The following IFT43 variants were observed in gnomAD, a reference collection of about 807,000 sequenced individuals.
The protein encoded by IFT43 is intraflagellar transport protein 43 homolog.
In IFT43, 33 loss-of-function variants were observed where a neutral mutation model predicts 32.3. The ratio of observed to expected loss-of-function variants is 1.02; its 90% CI spans 0.77 to 1.37. The LOEUF (loss-of-function observed/expected upper bound fraction) is 1.37, where lower values mean the gene tolerates loss of function less well. Ranked by LOEUF, IFT43 falls within the 40% of genes most tolerant of loss-of-function variation. IFT43 has a pLI of 0.00. For synonymous variants in IFT43, 93 were observed against 98.2 expected, an observed-to-expected ratio of 0.95 and a Z score of 0.31; for missense variants, 274 against 265.9, an observed-to-expected ratio of 1.03 and a Z score of -0.21.
intron 3 of IFT43, among the ~76,000 whole-genome samples, chr14:76,028,822 G>GTA (rs113882872): frequency 3.4e-4 from 52 of 151,888 alleles, no homozygotes; most frequent in African/African-American, 6.0e-4. Flanking sequence ...GTATTCTATG[G>GTA]TATATATATA....
Position 76,072,739 on chromosome 14 carries a change from A to C in IFT43, c.296-9556A>C, listed in dbSNP as rs573792163. Among the ~76,000 whole-genome samples, 21 of 152,306 alleles carry C rather than the reference A, an allele frequency of 1.4e-4. No individual in the cohort carries two copies. In the South Asian group the frequency reaches 4.4e-3, roughly 32 times the overall value. ...TCCAGCATTCAGCACTGACAAAAGT[A>C]AAAGAGAGTTAAATCTCCCCAGAAT... On this transcript the variant is annotated intron_variant, in intron 5 of 8. Coordinates refer to ENST00000314067, the MANE Select transcript of IFT43 (RefSeq NM_001102564.3).
At chr14:75,995,611 C>T (rs1000037024) in intron 2 of IFT43, among the ~76,000 whole-genome samples, 3 of 152,188 alleles carry the variant, frequency 2.0e-5, no homozygotes, top group Non-Finnish European at 2.9e-5. Context: ...TCTCGCCCTC[C>T]GCCTGTCCCC....
chr14:76,067,910 G>A (rs967751899), intron 5 of IFT43, among the ~76,000 whole-genome samples: 2 of 152,312 alleles, frequency 1.3e-5, no homozygotes, highest in South Asian at 4.2e-4. Context: ...CACTTTATAA[G>A]CAGAACAAAA....
chr14:75,999,269 A>T lies in IFT43; in HGVS notation c.147+10292A>T, dbSNP rs1410154051. Among the ~76,000 whole-genome samples, 136 of 24,186 alleles carry T rather than the reference A, an allele frequency of 5.6e-3. 8 individuals carry two copies. The highest frequency in any genetic ancestry group is 0.024 in the African/African-American group (102 of 4,196). The allele number at this position is 24,186 out of a possible 152,430, so 15.9% of individuals were successfully genotyped here. The stretch of plus-strand genomic sequence containing the variant: ...TATATATATATATATATATATATAT[A>T]TATGTATATATATTTTTTTTTTTTT... On this transcript the variant is annotated intron_variant, in intron 2 of 8. Coordinates refer to ENST00000314067, the MANE Select transcript of IFT43 (RefSeq NM_001102564.3).
At chr14:76,070,963 A>G (rs1033710240) in intron 5 of IFT43, among the ~76,000 whole-genome samples, 1 of 152,122 alleles carries the variant, frequency 6.6e-6, no homozygotes, top group Non-Finnish European at 1.5e-5. Context: ...TTTTTATAGC[A>G]ATGCAAGAAT....
chr14:76,019,400 A>C (rs1267162570), intron 2 of IFT43, among the ~76,000 whole-genome samples: 3 of 149,560 alleles, frequency 2.0e-5, no homozygotes, highest in Non-Finnish European at 3.0e-5. Context: ...CCCTTTCAGC[A>C]CTTTGAATAT....
chr14:76,006,986 T>C (rs1244605417), intron 2 of IFT43, among the ~76,000 whole-genome samples: 2 of 151,684 alleles, frequency 1.3e-5, no homozygotes, highest in Non-Finnish European at 2.9e-5. Context: ...GCCTCCTGAG[T>C]AGCTGGGACT....
At chr14:76,028,992 G>A (rs1324091361) in intron 3 of IFT43, among the ~76,000 whole-genome samples, 1 of 152,192 alleles carries the variant, frequency 6.6e-6, no homozygotes, top group African/African-American at 2.4e-5. Flanking sequence ...CCAGTGATGG[G>A]ATTGCCGGGT....
At chr14:76,062,678 A>G (rs571246869) in intron 5 of IFT43, among the ~76,000 whole-genome samples, 22 of 137,734 alleles carry the variant, frequency 1.6e-4, no homozygotes, top group African/African-American at 5.3e-4. Flanking sequence ...GCAGTTTGGG[A>G]GGCCGAGGCT....
At chr14:76,036,311 A>G (rs1309357726) in intron 3 of IFT43, among the ~76,000 whole-genome samples, 1 of 146,802 alleles carries the variant, frequency 6.8e-6, no homozygotes, top group Non-Finnish European at 1.5e-5. Flanking sequence ...GTATTTAGCC[A>G]TTTCCTTCCT....
At chr14:76,009,368 A>G (rs1354752195) in intron 2 of IFT43, among the ~76,000 whole-genome samples, 1 of 152,236 alleles carries the variant, frequency 6.6e-6, no homozygotes, top group Non-Finnish European at 1.5e-5. Flanking sequence ...ATCCTCCTAA[A>G]GCTTTCACAT....
In IFT43 at chr14:76,068,983, C is replaced by T. The variant is rs189592912; in HGVS notation, c.295+9610C>T. Among the ~76,000 whole-genome samples the T allele has an allele frequency of 5.8e-4, 88 of 152,288 alleles. 1 individual carries two copies. Among genetic ancestry groups the T allele is most frequent in the African/African-American group, 1.9e-3 (81 of 41,554 alleles). ...CAGCAAAATAAGTAAGGACAAACTG[C>T]GACTGAGTCCCCTGAAGGATGAGTG... On this transcript the variant is annotated intron_variant, in intron 5 of 8. Transcript: ENST00000314067.
At chr14:75,995,374 A>T (rs1415572661) in intron 2 of IFT43, among the ~76,000 whole-genome samples, 1 of 152,040 alleles carries the variant, frequency 6.6e-6, no homozygotes, top group African/African-American at 2.4e-5. Flanking sequence ...TCACTTGATC[A>T]CCCTTATTCG....
intron 2 of IFT43, among the ~76,000 whole-genome samples, chr14:76,010,669 TCAG>T (rs923913384): frequency 3.3e-5 from 5 of 151,996 alleles, no homozygotes; most frequent in African/African-American, 1.2e-4. Context: ...CTTAGATACT[TCAG>T]CATATATCTA....
chr14:75,993,863 T>C (rs987879329), intron 2 of IFT43, among the ~76,000 whole-genome samples: 1 of 152,150 alleles, frequency 6.6e-6, no homozygotes, highest in African/African-American at 2.4e-5. Context: ...AAGAAGGGTG[T>C]ACCCCTTCTT....
chr14:76,010,803 G>T (rs10146260), intron 2 of IFT43, among the ~76,000 whole-genome samples: 3,927 of 151,776 alleles, frequency 0.026, 124 homozygotes, highest in African/African-American at 0.065. Flanking sequence ...TTTTTATAGC[G>T]CTTTTGTTCA....
chr14:76,049,939 T>A (rs1218618022), intron 3 of IFT43, among the ~76,000 whole-genome samples: 4 of 152,154 alleles, frequency 2.6e-5, no homozygotes, highest in Non-Finnish European at 5.9e-5. Context: ...TAATACCAAC[T>A]TATTTGGTCT....
At chr14:75,999,269 AT>A (rs1422165617) in intron 2 of IFT43, among the ~76,000 whole-genome samples, 3 of 24,246 alleles carry the variant, frequency 1.2e-4, no homozygotes, top group African/African-American at 2.4e-4. Context: ...ATATATATAT[AT>A]ATGTATATAT....
At chr14:76,083,393 G>T (rs1425201039) in intron 8 of IFT43, 65 bp from the exon 9 acceptor site, 1 of 1,613,894 alleles carries the variant, frequency 6.2e-7, no homozygotes, top group Admixed American at 1.7e-5. Flanking sequence ...ATGGGAGGGA[G>T]AAGTCAGCTA....
Sources: gnomAD v4.1 joint callset for allele counts (sites outside exome capture counted in the v4.1 genomes callset) on GRCh38, gnomAD v4.1.1 for gene constraint, MANE v1.5 for transcripts, NCBI Gene and HGNC (gene_info 2026-07-23, HGNC 2026-07-21) for gene names.